PFKFB3: variants seen among roughly 807,000 people sequenced by gnomAD.
PFKFB3 encodes the protein 6-phosphofructo-2-kinase/fructose-2,6-biphosphatase 3, also known as 6-phosphofructo-2-kinase/fructose-2,6-bisphosphatase 3.
Under a neutral mutation model 68.0 loss-of-function variants are expected in PFKFB3, and 33 were observed. The observed-to-expected ratio is 0.49, with a 90% CI of 0.37 to 0.65. PFKFB3 has a LOEUF of 0.65. Among genes scored for constraint, PFKFB3 ranks in the 30% least tolerant of loss-of-function variants. The pLI, the probability that PFKFB3 is intolerant of heterozygous loss-of-function variation, is 0.00. For missense variants in PFKFB3, 586 were observed against 712.2 expected (o/e 0.82, Z 2.02); for synonymous variants, 315 against 288.2 (o/e 1.09, Z -0.94).
chr10:6,209,768 T>TC (rs1554849149), intron 1 of PFKFB3, among the ~76,000 whole-genome samples: 1 of 145,650 alleles, frequency 6.9e-6, no homozygotes, highest in African/African-American at 2.5e-5. Context: ...ACCTTTTCTT[T>TC]TTTTTTTTTT....
chr10:6,281,083 C>T, the PFKFB3 span, among the ~76,000 whole-genome samples: 1 of 149,582 alleles, frequency 6.7e-6, no homozygotes, highest in East Asian at 1.9e-4. Flanking sequence ...AGTTACTCCA[C>T]TTAGAATCAT....
the PFKFB3 span, among the ~76,000 whole-genome samples, chr10:6,281,241 T>C: frequency 6.7e-6 from 1 of 148,366 alleles, no homozygotes; most frequent in East Asian, 2.0e-4. Flanking sequence ...TTCCACATTT[T>C]TGCAGTTGTG....
At chr10:6,293,931 T>C in the PFKFB3 span, 1 of 481,276 alleles carries the variant, frequency 2.1e-6, no homozygotes, top group East Asian at 5.5e-5. Flanking sequence ...GTTCAATTTT[T>C]CCATCTTGGT....
chr10:6,164,157 G>A (rs1038522707), intron 1 of PFKFB3: 12 of 152,314 alleles, frequency 7.9e-5, no homozygotes, highest in African/African-American at 2.7e-4. Flanking sequence ...TGAGGGCGCG[G>A]GAGAAGTGGG....
chr10:6,213,836 CT>C (rs1306791518), intron 2 of PFKFB3, 88 bp downstream of exon 2: 4 of 1,428,754 alleles, frequency 2.8e-6, no homozygotes, highest in African/African-American at 1.4e-5. Context: ...AGGACCACCC[CT>C]GGGCGCCTCT....
intron 6 of PFKFB3, 49 bp downstream of exon 6, chr10:6,217,240 G>A (rs369251831): frequency 1.6e-5 from 25 of 1,522,694 alleles, no homozygotes; most frequent in Non-Finnish European, 2.2e-5. Flanking sequence ...AGACCACAAG[G>A]GCATTTGCAG....
In PFKFB3 at chr10:6,233,078, G is replaced by C. The variant is rs1845844023; in HGVS notation, c.*136G>C. The C allele has an allele frequency of 6.9e-6, 5 of 725,556 alleles. No individual in the cohort carries two copies. The highest frequency in any genetic ancestry group is 1.2e-5 in the Non-Finnish European group (5 of 411,608). 44.9% of individuals were successfully genotyped at this position (725,556 alleles called of 1,614,324 possible). On this transcript the variant is annotated 3_prime_UTR_variant, in exon 15 of 15. Transcript: ENST00000379775. ...GAGCAGCGGGGGAGCCTTGGCCGAA[G>C]AGAACCATGCTTGGCACCGTCTGTG...
intron 2 of PFKFB3, among the ~76,000 whole-genome samples, chr10:6,214,455 A>C (rs990008884): frequency 1.3e-5 from 2 of 152,088 alleles, no homozygotes; most frequent in East Asian, 3.8e-4. Flanking sequence ...TGACACATTT[A>C]AGAATCTCTG....
the PFKFB3 span, among the ~76,000 whole-genome samples, chr10:6,269,941 G>T: frequency 6.6e-6 from 1 of 152,012 alleles, no homozygotes; most frequent in Non-Finnish European, 1.5e-5. Flanking sequence ...GACCAGCCTG[G>T]CCAACATGGT....
intron 1 of PFKFB3, among the ~76,000 whole-genome samples, chr10:6,187,318 A>T (rs1842896398): frequency 6.6e-6 from 1 of 152,044 alleles, no homozygotes; most frequent in African/African-American, 2.4e-5. Flanking sequence ...CTGAGATTGC[A>T]CCACTGCACT....
chr10:6,236,674 T>G (rs938675389), downstream of PFKFB3, among the ~76,000 whole-genome samples: 5 of 152,184 alleles, frequency 3.3e-5, no homozygotes, highest in Non-Finnish European at 7.3e-5. Context: ...ATGTGTCAGG[T>G]GCAGGGATGG....
chr10:6,302,767 CACACACACACACATATACACAT>C, the PFKFB3 span, among the ~76,000 whole-genome samples: 2 of 143,932 alleles, frequency 1.4e-5, no homozygotes, highest in African/African-American at 5.0e-5. Context: ...CACACACACA[CACACACACACACATATACACAT>C]ACACATATAT....
At chr10:6,170,173 C>G (rs1842263170) in intron 1 of PFKFB3, among the ~76,000 whole-genome samples, 1 of 152,106 alleles carries the variant, frequency 6.6e-6, no homozygotes, top group Non-Finnish European at 1.5e-5. Flanking sequence ...AACCAGAACT[C>G]TGGAAATAGA....
At chr10:6,161,078 G>C (rs531647362) in intron 1 of PFKFB3, among the ~76,000 whole-genome samples, 1 of 152,212 alleles carries the variant, frequency 6.6e-6, no homozygotes, top group African/African-American at 2.4e-5. Flanking sequence ...TGGGACTACA[G>C]GTGCCTGCCA....
At chr10:6,322,401 C>T in the PFKFB3 span, among the ~76,000 whole-genome samples, 2 of 152,174 alleles carry the variant, frequency 1.3e-5, no homozygotes, top group Non-Finnish European at 2.9e-5. Flanking sequence ...TCACCTGGCT[C>T]ATGATAATAG....
chr10:6,158,669 C>T (rs924907104), intron 1 of PFKFB3, among the ~76,000 whole-genome samples: 4 of 152,116 alleles, frequency 2.6e-5, no homozygotes, highest in African/African-American at 9.7e-5. Context: ...AGTTCAAGAC[C>T]AGCCTGGTCG....
At chr10:6,305,548 C>T in the PFKFB3 span, among the ~76,000 whole-genome samples, 1 of 152,214 alleles carries the variant, frequency 6.6e-6, no homozygotes, top group Non-Finnish European at 1.5e-5. Flanking sequence ...GTTCCTTGCA[C>T]TCTCTCATTC....
chr10:6,300,320 C>T, the PFKFB3 span, among the ~76,000 whole-genome samples: 1 of 152,112 alleles, frequency 6.6e-6, no homozygotes, highest in African/African-American at 2.4e-5. Context: ...TTTTCACTTC[C>T]TCCATCATTT....
chr10:6,172,171 C>T (rs115563270), intron 1 of PFKFB3, among the ~76,000 whole-genome samples: 1 of 152,354 alleles, frequency 6.6e-6, no homozygotes, highest in Non-Finnish European at 1.5e-5. Flanking sequence ...ATCAGGCATG[C>T]GGCTGTGCTT....
Sources: gnomAD v4.1 joint callset for allele counts (sites outside exome capture counted in the v4.1 genomes callset) on GRCh38, gnomAD v4.1.1 for gene constraint, MANE v1.5 for transcripts, NCBI Gene and HGNC (gene_info 2026-07-23, HGNC 2026-07-21) for gene names.